The following GIGYF2 variants were observed in gnomAD, a reference collection of about 807,000 sequenced individuals.
GIGYF2 encodes GRB10 interacting GYF protein 2.
GIGYF2 carries 25 observed loss-of-function variants against 208.1 expected under a neutral mutation model. That is an observed-to-expected ratio of 0.12 (90% CI 0.09 to 0.17). The LOEUF (loss-of-function observed/expected upper bound fraction) is 0.17. Among genes scored for constraint, GIGYF2 ranks in the 10% least tolerant of loss-of-function variants. The pLI, the probability that GIGYF2 is intolerant of heterozygous loss-of-function variation, is 1.00. For synonymous variants in GIGYF2, 534 were observed against 543.8 expected (o/e 0.98, Z 0.25); for missense variants, 1,302 against 1,579.4 (o/e 0.82, Z 2.98).
intron 28 of GIGYF2, among the ~76,000 whole-genome samples, chr2:232,854,813 C>T (rs1425150761): frequency 6.6e-6 from 1 of 152,010 alleles, no homozygotes; most frequent in Admixed American, 6.5e-5. Context: ...CATGAAAAAA[C>T]AAGAGGCTGC....
chr2:232,799,200 C>A (rs1700315384), intron 14 of GIGYF2, among the ~76,000 whole-genome samples: 1 of 151,964 alleles, frequency 6.6e-6, no homozygotes, highest in South Asian at 2.1e-4. Context: ...TTATCCATTT[C>A]ATCTATTGAT....
rs1700564868 is a variant in GIGYF2, at chr2:232,806,426, A to AT, written c.1640-57dup. The AT allele has an allele frequency of 2.8e-5, 32 of 1,131,882 alleles. No homozygotes were observed. The highest frequency in any genetic ancestry group is 4.2e-5 in the Non-Finnish European group (31 of 740,422). The allele number at this position is 1,131,882 out of a possible 1,614,324, so 70.1% of individuals were successfully genotyped here. ...TCGATGAGAATCAGATGCAGGAAAT[A>AT]TTTTTTTTCTCTTTGAGTCTGAAAG... On this transcript the variant is annotated intron_variant, in intron 14 of 28. Coordinates refer to ENST00000373563, the MANE Select transcript of GIGYF2 (RefSeq NM_001103146.3). This position sits in a 1 kb window ranked among gnomAD's most constrained non-coding sequence, Gnocchi z 4.0.
intron 23 of GIGYF2, among the ~76,000 whole-genome samples, chr2:232,843,731 C>T (rs189796834): frequency 5.6e-4 from 85 of 150,656 alleles, no homozygotes; most frequent in Non-Finnish European, 9.5e-4. Flanking sequence ...AAAAATTAAC[C>T]GGGCATTGTG....
chr2:232,835,745 T>C lies in GIGYF2; in HGVS notation c.2766+2652T>C, dbSNP rs115523014. On this transcript the variant is annotated intron_variant, in intron 22 of 28. Transcript: ENST00000373563. ...CATGTTGGGGATATAGCACTGGGTG[T>C]GCCCAGAGTGACTCCGAGGTGACCG... Among the ~76,000 whole-genome samples the C allele has an allele frequency of 4.3e-3, 651 of 152,286 alleles. 8 individuals are homozygous for C. Among genetic ancestry groups the C allele is most frequent in the African/African-American group, 0.015 (610 of 41,554 alleles).
intron 2 of GIGYF2, chr2:232,729,534 TG>T (rs1697355568): frequency 7.6e-7 from 1 of 1,322,562 alleles, no homozygotes. Context: ...TAGATTTTGT[TG>T]AAAGCAGCCA....
intron 22 of GIGYF2, among the ~76,000 whole-genome samples, chr2:232,836,311 TATA>T (rs1701615275): frequency 9.7e-5 from 3 of 30,834 alleles, no homozygotes; most frequent in Admixed American, 4.9e-4. Flanking sequence ...TATATATATA[TATA>T]TATATATATA....
chr2:232,716,028 C>T (rs1010199684), intron 2 of GIGYF2, among the ~76,000 whole-genome samples: 12 of 152,050 alleles, frequency 7.9e-5, no homozygotes, highest in African/African-American at 1.2e-4. Flanking sequence ...TTAATTTCAC[C>T]TCACTAATAT....
intron 8 of GIGYF2, chr2:232,765,553 A>T (rs1698921668): frequency 6.6e-6 from 1 of 151,870 alleles, no homozygotes; most frequent in South Asian, 2.0e-4. Flanking sequence ...AAGGTGGAAA[A>T]ATGTCTTTGA....
chr2:232,851,342 G>A (rs1392307732), intron 28 of GIGYF2, among the ~76,000 whole-genome samples: 1 of 152,106 alleles, frequency 6.6e-6, no homozygotes, highest in Non-Finnish European at 1.5e-5. Flanking sequence ...CAGAAAGGAT[G>A]GGGAATATTG....
chr2:232,842,002 T>A (rs978895869), intron 23 of GIGYF2, among the ~76,000 whole-genome samples: 1 of 151,606 alleles, frequency 6.6e-6, no homozygotes, highest in African/African-American at 2.4e-5. Context: ...CTGGCTAATT[T>A]AAAAAAAAAT....
chr2:232,804,037 T>A (rs1166296430), intron 14 of GIGYF2, among the ~76,000 whole-genome samples: 2 of 152,222 alleles, frequency 1.3e-5, no homozygotes, highest in Admixed American at 1.3e-4. Flanking sequence ...CAATCTTGAT[T>A]ACTGTAGCTG....
Position 232,858,611 on chromosome 2 carries a change from A to G in GIGYF2, c.*1751A>G, listed in dbSNP as rs1690662674. On this transcript the variant is annotated 3_prime_UTR_variant, in exon 29 of 29. Transcript: ENST00000373563. The stretch of plus-strand genomic sequence containing the variant: ...GGAAAATAAAAAAGAACTTAAATAA[A>G]ATCTGATTGTATTCTATCTGAGTGC... 1 of 454,042 alleles carries G rather than the reference A, an allele frequency of 2.2e-6. No individual in the cohort carries two copies. Among genetic ancestry groups the G allele is most frequent in the African/African-American group, 2.0e-5 (1 of 49,730 alleles). The allele number at this position is 454,042 out of a possible 1,614,324, so 28.1% of individuals were successfully genotyped here.
chr2:232,712,947 A>C (rs1307902698), intron 2 of GIGYF2, among the ~76,000 whole-genome samples: 6 of 152,212 alleles, frequency 3.9e-5, no homozygotes, highest in Admixed American at 3.9e-4. Context: ...ATTTTCTGCT[A>C]TGAAGAAAAT....
intron 21 of GIGYF2, among the ~76,000 whole-genome samples, chr2:232,826,555 CT>C (rs1701251141): frequency 6.6e-6 from 1 of 152,138 alleles, no homozygotes; most frequent in Admixed American, 6.6e-5. Context: ...AATTAAAGAG[CT>C]TCTGCACAGC....
In GIGYF2 at chr2:232,812,376, A is replaced by G. The variant is rs770821587; in HGVS notation, c.2007-15A>G. On this transcript the variant is annotated splice_polypyrimidine_tract_variant and intron_variant, in intron 17 of 28. Coordinates refer to ENST00000373563, the MANE Select transcript of GIGYF2 (RefSeq NM_001103146.3). ...AATGACAAGAACAAGTTAATTTTTT[A>G]TTTCCCTTTTGCAGAATATCTGATC... 1.4e-5 allele frequency: 15 copies of G among 1,051,718 alleles called. No homozygotes were observed. Among genetic ancestry groups the G allele is most frequent in the African/African-American group, 3.3e-5 (2 of 60,790 alleles). 65.1% of individuals were successfully genotyped at this position (1,051,718 alleles called of 1,614,324 possible).
intron 8 of GIGYF2, among the ~76,000 whole-genome samples, chr2:232,778,234 C>A (rs1699595107): frequency 6.6e-6 from 1 of 152,078 alleles, no homozygotes; most frequent in Non-Finnish European, 1.5e-5. Flanking sequence ...CTTCACCTGG[C>A]CTGAGAATAC....
At position 232,844,087 on chromosome 2, in the gene GIGYF2, GCAGCAGCAA is replaced by G. The variant is rs765739152; in HGVS notation, c.2937_2945del (p.Gln982_Gln984del). The G allele has an allele frequency of 2.1e-5, 33 of 1,606,110 alleles. No individual in the cohort carries two copies. Among genetic ancestry groups the G allele is most frequent in the South Asian group, 1.1e-4 (10 of 90,534 alleles). On this transcript the variant is annotated inframe_deletion, in exon 24 of 29. Transcript: ENST00000373563. The stretch of plus-strand genomic sequence containing the variant: ...GGGAGTTGATGAAAGCTCTTCAGCA[GCAGCAGCAA>G]CAGCAACAGCAGAAACTCTCAGGTT...
At chr2:232,773,910 TAAAAA>T (rs61323973) in intron 8 of GIGYF2, among the ~76,000 whole-genome samples, 1 of 112,802 alleles carries the variant, frequency 8.9e-6, no homozygotes, top group African/African-American at 3.2e-5. Flanking sequence ...TGTCTCTATT[TAAAAA>T]AAAAAAAAAA....
At position 232,837,660 on chromosome 2, in the gene GIGYF2, T is replaced by C. The variant is rs531849244; in HGVS notation, c.2767-2189T>C. Among the ~76,000 whole-genome samples, 15 of 152,126 alleles carry C rather than the reference T, an allele frequency of 9.9e-5. No individual in the cohort carries two copies. In the South Asian group the frequency reaches 2.9e-3, roughly 29 times the overall value. ...TTTTAGTAGAAATGGGATTTTGCCA[T>C]GTTGGCCAGGCTGATGTCAAACTCC... is the stretch of plus-strand genomic sequence containing the variant. On this transcript the variant is annotated intron_variant, in intron 22 of 28. Transcript: ENST00000373563.
Sources: gnomAD v4.1 joint callset for allele counts (sites outside exome capture counted in the v4.1 genomes callset) on GRCh38, gnomAD v4.1.1 for gene constraint, Gnocchi (gnomAD v3.1) non-coding constraint, MANE v1.5 for transcripts, NCBI Gene and HGNC (gene_info 2026-07-23, HGNC 2026-07-21) for gene names.